Variants in SCYL2 observed in about 807,000 individuals in gnomAD.
The protein encoded by SCYL2 is SCY1-like protein 2.
In SCYL2, 36 loss-of-function variants were observed where a neutral mutation model predicts 100.4. That is an observed-to-expected ratio of 0.36 (90% confidence interval 0.27 to 0.47). The LOEUF (loss-of-function observed/expected upper bound fraction) is 0.47. Ranked by LOEUF, SCYL2 falls within the 20% of genes least tolerant of loss-of-function variation. The probability of loss-of-function intolerance (pLI) is 1.00; values close to 1 mark genes in which losing one functional copy is unlikely to be tolerated. For missense variants in SCYL2, 902 were observed against 1,083.9 expected, an observed-to-expected ratio of 0.83 and a Z score of 2.36; for synonymous variants, 330 against 359.2, an observed-to-expected ratio of 0.92 and a Z score of 0.92.
At position 100,339,219 on chromosome 12, in the gene SCYL2, G is replaced by C. The variant is rs1429091624; in HGVS notation, c.*47G>C. The stretch of plus-strand genomic sequence containing the variant: ...AGGATTATTTCAGTTTCAATCATGG[G>C]TGAGCTGATTTACATCTTTATATAG... On this transcript the variant is annotated 3_prime_UTR_variant, in exon 18 of 18. Coordinates refer to ENST00000360820, the MANE Select transcript of SCYL2 (RefSeq NM_017988.6). The C allele has an allele frequency of 4.5e-6, 7 of 1,551,496 alleles. No individual in the cohort carries two copies. The highest frequency in any genetic ancestry group is 6.1e-6 in the Non-Finnish European group (7 of 1,144,954).
Position 100,338,837 on chromosome 12 carries a change from G to A in SCYL2, c.2455G>A (p.Ala819Thr). ...GTPPTLPNFN[A>T]LSVPPAGAKQ... ...ACCTCCCACTTTGCCAAACTTCAAT[G>A]CTTTGAGTGTTCCTCCTGCTGGTGC... is the stretch of plus-strand genomic sequence containing the variant. The change falls in exon 18 of 18, where the codon GCT becomes ACT. Residue 819 changes from alanine to threonine, a missense_variant. Transcript: ENST00000360820. 6.2e-7 allele frequency: 1 copy of A among 1,614,152 alleles called. No individual in the cohort carries two copies. Among genetic ancestry groups the A allele is most frequent in the Non-Finnish European group, 8.5e-7 (1 of 1,179,992 alleles).
intron 17 of SCYL2, 109 bp downstream of exon 17, chr12:100,337,615 C>A: frequency 1.9e-6 from 2 of 1,052,670 alleles, no homozygotes; most frequent in South Asian, 1.4e-5. Context: ...TCAAATAATA[C>A]CTTAATATGT....
At chr12:100,309,905 C>T (rs990451706) in intron 4 of SCYL2, among the ~76,000 whole-genome samples, 1 of 152,152 alleles carries the variant, frequency 6.6e-6, no homozygotes, top group Non-Finnish European at 1.5e-5. Flanking sequence ...CTAGTTTCTC[C>T]ATATCCTCAC....
chr12:100,267,394 G>A lies in SCYL2; in HGVS notation c.-427G>A, dbSNP rs1276667048. Reference sequence around the variant, plus strand: ...GCACCGCCCCTCCTGGAAGAAGGAAGAGGTAAGTGACCGGCCGCCGGCACC... The same window carrying A: ...GCACCGCCCCTCCTGGAAGAAGGAAAAGGTAAGTGACCGGCCGCCGGCACC... On this transcript the variant is annotated 5_prime_UTR_variant, in exon 1 of 18. Coordinates refer to ENST00000360820, the MANE Select transcript of SCYL2 (RefSeq NM_017988.6). The A allele has an allele frequency of 8.2e-6, 2 of 244,332 alleles. No homozygotes were observed. The highest frequency in any genetic ancestry group is 1.6e-5 in the Non-Finnish European group (2 of 125,106). The allele number at this position is 244,332 out of a possible 1,614,324, so 15.1% of individuals were successfully genotyped here.
At chr12:100,290,544 G>A (rs990193025) in intron 2 of SCYL2, among the ~76,000 whole-genome samples, 2 of 151,936 alleles carry the variant, frequency 1.3e-5, no homozygotes, top group African/African-American at 2.4e-5. Context: ...TGCTAATGTA[G>A]CAAAAATGCA....
intron 3 of SCYL2, among the ~76,000 whole-genome samples, chr12:100,294,151 C>T (rs1159311591): frequency 2.3e-4 from 31 of 136,872 alleles, no homozygotes; most frequent in African/African-American, 3.9e-4. Flanking sequence ...GCTGGCCGGG[C>T]GGGGGGCTGA....
chr12:100,273,931 G>A (rs1186480311), intron 1 of SCYL2, among the ~76,000 whole-genome samples: 1 of 152,168 alleles, frequency 6.6e-6, no homozygotes, highest in Admixed American at 6.5e-5. Context: ...CAGCGTTAGA[G>A]GAATAGATAT....
At chr12:100,288,996 C>G (rs751867171) in intron 2 of SCYL2, among the ~76,000 whole-genome samples, 3 of 151,798 alleles carry the variant, frequency 2.0e-5, no homozygotes, top group African/African-American at 7.3e-5. Context: ...CGTGAGCTAC[C>G]GTGCCGGCCA....
At chr12:100,336,583 G>T (rs997239130) in intron 16 of SCYL2, among the ~76,000 whole-genome samples, 31 of 151,962 alleles carry the variant, frequency 2.0e-4, no homozygotes, top group Admixed American at 1.0e-3. Context: ...ATTCCAGCAG[G>T]GGTACATGAT....
At chr12:100,293,624 GCTAA>G (rs1405617801) in intron 3 of SCYL2, among the ~76,000 whole-genome samples, 1 of 151,564 alleles carries the variant, frequency 6.6e-6, no homozygotes, top group Non-Finnish European at 1.5e-5. Flanking sequence ...AAGGTCAGCA[GCTAA>G]ACAAGTGAAC....
Position 100,323,629 on chromosome 12 carries a change from T to G in SCYL2, c.1500T>G (p.Ser500=), listed in dbSNP as rs758509665. Residue 500 remains serine (S), a synonymous_variant, in exon 11 of 18, where the codon TCT becomes TCG. Coordinates refer to ENST00000360820, the MANE Select transcript of SCYL2 (RefSeq NM_017988.6). ...PRIKNACLQT[S]SLAVRVNSLV... ...TTAAAAATGCTTGTCTACAAACATC[T>G]TCCCTTGCGGTAAGTAATTGCATAT... The G allele has an allele frequency of 7.0e-6, 11 of 1,567,764 alleles. No individual in the cohort carries two copies. The highest frequency in any genetic ancestry group is 1.8e-5 in the Admixed American group (1 of 56,300).
chr12:100,337,544 G>A (rs374991246), intron 17 of SCYL2, 38 bp downstream of exon 17: 7 of 1,587,844 alleles, frequency 4.4e-6, no homozygotes, highest in Admixed American at 3.3e-5. Context: ...TCCAGAATAC[G>A]ACTGTTAAGG....
At chr12:100,293,397 T>C (rs1166404456) in intron 3 of SCYL2, among the ~76,000 whole-genome samples, 1 of 152,244 alleles carries the variant, frequency 6.6e-6, no homozygotes, top group Non-Finnish European at 1.5e-5. Context: ...CCCACACTTA[T>C]CCTACACTTT....
At chr12:100,319,250 G>T (rs997022792) in intron 10 of SCYL2, 1 of 455,824 alleles carries the variant, frequency 2.2e-6, no homozygotes, top group Non-Finnish European at 4.4e-6. Flanking sequence ...GTGAGGGTAT[G>T]CTGCCTTTGT....
chr12:100,334,097 T>G, intron 13 of SCYL2, 69 bp from the exon 14 acceptor site: 1 of 899,448 alleles, frequency 1.1e-6, no homozygotes, highest in East Asian at 2.4e-5. Context: ...ATTTACTGAA[T>G]TATCTTAATT....
chr12:100,309,703 C>T (rs1039497788), intron 4 of SCYL2, among the ~76,000 whole-genome samples: 1 of 152,194 alleles, frequency 6.6e-6, no homozygotes, highest in African/African-American at 2.4e-5. Context: ...ATTGCTTCCA[C>T]ATTTTGGCTA....
In SCYL2 at chr12:100,312,415, T is replaced by A; in HGVS notation, c.631-17T>A. The stretch of plus-strand genomic sequence containing the variant: ...TTGAATTTGAAGTAACCCATGTAAT[T>A]CCTTTTCTTACTACAGCCTAAATTT... On this transcript the variant is annotated splice_polypyrimidine_tract_variant and intron_variant, in intron 5 of 17. Transcript: ENST00000360820. 1 of 1,557,662 alleles carries A rather than the reference T, an allele frequency of 6.4e-7. No homozygotes were observed. Among genetic ancestry groups the A allele is most frequent in the Non-Finnish European group, 8.8e-7 (1 of 1,130,734 alleles).
At chr12:100,325,524 T>C (rs926874938) in intron 11 of SCYL2, among the ~76,000 whole-genome samples, 1 of 152,146 alleles carries the variant, frequency 6.6e-6, no homozygotes, top group Non-Finnish European at 1.5e-5. Context: ...AATTCCCAAA[T>C]TGTATTCATA....
chr12:100,325,753 T>A (rs1002386154), intron 11 of SCYL2, among the ~76,000 whole-genome samples: 8 of 152,136 alleles, frequency 5.3e-5, no homozygotes, highest in African/African-American at 1.7e-4. Flanking sequence ...TTGCTTAAAA[T>A]ATATATATAT....
Sources: allele counts gnomAD v4.1 joint callset (sites outside exome capture counted in the v4.1 genomes callset), GRCh38; gene constraint gnomAD v4.1.1; transcripts MANE v1.5; gene names NCBI Gene and HGNC (gene_info 2026-07-23, HGNC 2026-07-21).